The following PTGIS variants were observed in gnomAD, a reference collection of about 807,000 sequenced individuals.
PTGIS encodes the protein prostacyclin synthase.
A neutral mutation model predicts 50.3 loss-of-function variants in PTGIS; 45 were observed. The observed-to-expected ratio is 0.90, with a 90% CI of 0.70 to 1.15. The LOEUF is 1.15. PTGIS is among the 50% of genes most tolerant of loss of function. The probability of loss-of-function intolerance (pLI) is 0.00; values close to 1 mark genes in which losing one functional copy is unlikely to be tolerated. For synonymous variants in PTGIS, 260 were observed against 267.7 expected (o/e 0.97, Z 0.28); for missense variants, 668 against 661.3 (o/e 1.01, Z -0.11).
rs1028705998 is a variant in PTGIS at position 49,507,733 on chromosome 20, A to G, written c.*187T>C. ...CAGTGGATAATCCATAGAGCTTTCA[A>G]TGTCTTTTCTTTGTTCACCCTCTTA... On this transcript the variant is annotated 3_prime_UTR_variant, in exon 10 of 10. Transcript: ENST00000244043. 1.2e-5 allele frequency: 9 copies of G among 777,218 alleles called. No individual in the cohort carries two copies. In the African/African-American group the frequency reaches 1.4e-4, roughly 12 times the overall value. The allele number at this position is 777,218 out of a possible 1,614,324, so 48.1% of individuals were successfully genotyped here.
At chr20:49,508,669 A>C (rs1192503335) in intron 9 of PTGIS, among the ~76,000 whole-genome samples, 1 of 152,214 alleles carries the variant, frequency 6.6e-6, no homozygotes, top group Non-Finnish European at 1.5e-5. Flanking sequence ...TCTTTGTGAG[A>C]TTAGAAACAG....
intron 5 of PTGIS, among the ~76,000 whole-genome samples, chr20:49,535,161 A>G (rs949903511): frequency 2.6e-5 from 4 of 152,222 alleles, no homozygotes; most frequent in Non-Finnish European, 1.5e-5. Context: ...TGCAAATTAA[A>G]GCAATAAGTT....
chr20:49,524,271 A>C (rs776569041), intron 5 of PTGIS, 32 bp from the exon 6 acceptor site: 1 of 1,610,014 alleles, frequency 6.2e-7, no homozygotes, highest in South Asian at 1.1e-5. Flanking sequence ...AGTAGGGGTT[A>C]CAGATTCACC....
At chr20:49,516,897 A>T (rs1013700609) in intron 6 of PTGIS, among the ~76,000 whole-genome samples, 5 of 152,236 alleles carry the variant, frequency 3.3e-5, no homozygotes, top group Non-Finnish European at 7.3e-5. Context: ...GGTGGGCTAG[A>T]AGATCCCTGG....
intron 1 of PTGIS, among the ~76,000 whole-genome samples, chr20:49,565,308 T>G (rs1982869820): frequency 6.6e-6 from 1 of 152,148 alleles, no homozygotes; most frequent in African/African-American, 2.4e-5. Flanking sequence ...GTTCTAAGAC[T>G]TTTGAGTGTT....
rs555868336 is a variant in PTGIS at position 49,549,940 on chromosome 20, CAGAT to C, written c.198+122_198+125del. On this transcript the variant is annotated intron_variant, in intron 2 of 9. Coordinates refer to ENST00000244043, the MANE Select transcript of PTGIS (RefSeq NM_000961.4). Reference sequence around the variant, plus strand: ...TGGATAGAAAGTTGGCTCGACCACTCAGATGGATGTTGGATGGTGGGGTGGGGGG... The same window carrying C: ...TGGATAGAAAGTTGGCTCGACCACTCGGATGTTGGATGGTGGGGTGGGGGG... 2,167 of 1,508,214 alleles carry C rather than the reference CAGAT, an allele frequency of 1.4e-3. 7 individuals carry two copies. The highest frequency in any genetic ancestry group is 7.0e-3 in the Middle Eastern group (39 of 5,600). The allele number at this position is 1,508,214 out of a possible 1,614,324, so 93.4% of individuals were successfully genotyped here.
chr20:49,530,995 G>A (rs1363612404), intron 5 of PTGIS, among the ~76,000 whole-genome samples: 2 of 152,068 alleles, frequency 1.3e-5, no homozygotes, highest in Non-Finnish European at 2.9e-5. Flanking sequence ...TCTTGACCTC[G>A]TGATCTGCCC....
chr20:49,524,535 G>A (rs1040550073), intron 5 of PTGIS, among the ~76,000 whole-genome samples: 7 of 152,190 alleles, frequency 4.6e-5, no homozygotes, highest in African/African-American at 1.4e-4. Context: ...GCCCGTAGCA[G>A]GTGCTCAATA....
At position 49,514,219 on chromosome 20, in the gene PTGIS, G is replaced by A. The variant is rs750949708; in HGVS notation, c.1024+8C>T. ...TAGGGGCTATCTTGGAGGGTCTGAC[G>A]ATCTCACCAAGCACAGGTGTGCTGT... On this transcript the variant is annotated splice_region_variant and intron_variant, in intron 7 of 9. Transcript: ENST00000244043. 2.5e-6 allele frequency: 4 copies of A among 1,613,286 alleles called. No homozygotes were observed. Among genetic ancestry groups the A allele is most frequent in the Non-Finnish European group, 2.5e-6 (3 of 1,180,000 alleles).
At chr20:49,556,439 T>C (rs956677039) in intron 1 of PTGIS, among the ~76,000 whole-genome samples, 3 of 152,198 alleles carry the variant, frequency 2.0e-5, no homozygotes, top group African/African-American at 7.2e-5. Context: ...TGTCACTTTT[T>C]GAATTCACTC....
In PTGIS at chr20:49,538,700, T is replaced by C. The variant is rs967192156; in HGVS notation, c.673+870A>G. Among the ~76,000 whole-genome samples, 25 of 140,700 alleles carry C rather than the reference T, an allele frequency of 1.8e-4. No individual in the cohort carries two copies. The South Asian group carries it at 5.4e-3, about 30-fold the overall frequency. 92.3% of individuals were successfully genotyped at this position (140,700 alleles called of 152,430 possible). A position where few individuals can be genotyped will look rare whatever the true frequency, so the allele number is the denominator to read the frequency against. On this transcript the variant is annotated intron_variant, in intron 5 of 9. Coordinates refer to ENST00000244043, the MANE Select transcript of PTGIS (RefSeq NM_000961.4). ...ATTTATTTATTTATTTATTTATTTA[T>C]TTAAGACAGAGTCTGGCTCTGTCAC...
At position 49,515,257 on chromosome 20, in the gene PTGIS, G is replaced by T. The variant is rs553122049; in HGVS notation, c.856-862C>A. On this transcript the variant is annotated intron_variant, in intron 6 of 9. Transcript: ENST00000244043. ...TGTTGTGTACGTATAAAACAAAGCC[G>T]CAATCATCATTGATGACTGAAAGCT... is the stretch of plus-strand genomic sequence containing the variant. Among the ~76,000 whole-genome samples the T allele has an allele frequency of 2.6e-5, 4 of 152,168 alleles. No individual in the cohort carries two copies. In the South Asian group the frequency reaches 6.2e-4, roughly 24 times the overall value.
At position 49,524,180 on chromosome 20, in the gene PTGIS, T is replaced by C. The variant is rs780507950; in HGVS notation, c.733A>G (p.Arg245Gly). 1 of 1,614,072 alleles carries C rather than the reference T, an allele frequency of 6.2e-7. No individual in the cohort carries two copies. The highest frequency in any genetic ancestry group is 1.1e-5 in the South Asian group (1 of 91,074). The change falls in exon 6 of 10, where the codon AGG (arginine) becomes GGG (glycine). Residue 245 changes from arginine to glycine, a missense_variant. Transcript: ENST00000244043. Reference protein sequence around the residue: ...SRLWKLLSPARLARRAHRSKW... With the variant: ...SRLWKLLSPAGLARRAHRSKW... ...CTCCGGTGGGCCCGCCTGGCCAGCC[T>C]GGCTGGGGATAGCAGCTTCCACAGG...
At chr20:49,517,218 C>G (rs1981506923) in intron 6 of PTGIS, among the ~76,000 whole-genome samples, 2 of 152,262 alleles carry the variant, frequency 1.3e-5, no homozygotes, top group South Asian at 4.1e-4. Flanking sequence ...CACCTGCTGT[C>G]CATCACTTAA....
chr20:49,555,326 C>T (rs969792204), intron 1 of PTGIS, among the ~76,000 whole-genome samples: 1 of 151,890 alleles, frequency 6.6e-6, no homozygotes, highest in Non-Finnish European at 1.5e-5. Context: ...TGAGTTATAC[C>T]TTTGGCTAAA....
chr20:49,545,950 A>G (rs766138092), intron 3 of PTGIS, among the ~76,000 whole-genome samples: 11 of 152,190 alleles, frequency 7.2e-5, no homozygotes, highest in Non-Finnish European at 1.5e-4. Flanking sequence ...CAGGGCGTCC[A>G]TGAACTCCTG....
chr20:49,507,829 G>C lies in PTGIS; in HGVS notation c.*91C>G, dbSNP rs988397629. ...AGTGGTAATGCTAGCACCTGCACCC[G>C]GGCCAACTGTGCACACAGAAAGCTG... On this transcript the variant is annotated 3_prime_UTR_variant, in exon 10 of 10. Transcript: ENST00000244043. 1 of 1,560,612 alleles carries C rather than the reference G, an allele frequency of 6.4e-7. No homozygotes were observed. Among genetic ancestry groups the C allele is most frequent in the Non-Finnish European group, 8.7e-7 (1 of 1,150,090 alleles).
rs1240769682 is a variant in PTGIS at position 49,513,089 on chromosome 20, T to G, written c.1197A>C (p.Thr399=). 6.2e-7 allele frequency: 1 copy of G among 1,614,142 alleles called. No homozygotes were observed. Among genetic ancestry groups the G allele is most frequent in the Admixed American group, 1.7e-5 (1 of 60,028 alleles). Residue 399 remains threonine, a synonymous_variant, in exon 8 of 10, where the codon ACA becomes ACC. Coordinates refer to ENST00000244043, the MANE Select transcript of PTGIS (RefSeq NM_000961.4). ...CGCCCCTGCCATTTACCTCTGGGTCTGTGTAGATTTCTGGGTCTCTCTGGG... is the reference window on the plus strand; with the variant it reads ...CGCCCCTGCCATTTACCTCTGGGTCGGTGTAGATTTCTGGGTCTCTCTGGG... The part of the protein sequence containing the change: ...LSPQRDPEIY[T]DPEVFKYNRF...
At chr20:49,564,395 G>T (rs1982845071) in intron 1 of PTGIS, among the ~76,000 whole-genome samples, 1 of 152,132 alleles carries the variant, frequency 6.6e-6, no homozygotes, top group Non-Finnish European at 1.5e-5. Context: ...GGGACTACAG[G>T]TGCCTGCCAC....
Sources: gnomAD v4.1 joint callset for allele counts (sites outside exome capture counted in the v4.1 genomes callset) on GRCh38, gnomAD v4.1.1 for gene constraint, MANE v1.5 for transcripts, NCBI Gene and HGNC (gene_info 2026-07-23, HGNC 2026-07-21) for gene names.